LRRC7: variants seen among roughly 807,000 people sequenced by gnomAD.
LRRC7 encodes the protein leucine-rich repeat-containing protein 7.
LRRC7 carries 23 observed loss-of-function variants against 175.7 expected under a neutral mutation model. The observed-to-expected ratio is 0.13, with a 90% CI of 0.09 to 0.19. The LOEUF (loss-of-function observed/expected upper bound fraction) is 0.19. LRRC7 is among the 10% of genes least tolerant of loss of function. The pLI is 1.00. For synonymous variants in LRRC7, 685 were observed against 680.9 expected, an observed-to-expected ratio of 1.01 and a Z score of -0.09; for missense variants, 1,354 against 1,904.7, an observed-to-expected ratio of 0.71 and a Z score of 5.38.
In LRRC7 at chr1:70,124,837, A is replaced by G. The variant is rs375987243; in HGVS notation, c.*2950A>G. ...CAGTAGATTCTACCTCTTGGTCTTTAATTTTTATTGGACTGTTTCTGAGGA... is the reference window on the plus strand; with the variant it reads ...CAGTAGATTCTACCTCTTGGTCTTTGATTTTTATTGGACTGTTTCTGAGGA... On this transcript the variant is annotated 3_prime_UTR_variant, in exon 27 of 27. Transcript: ENST00000651989. Among the ~76,000 whole-genome samples, 400 of 152,254 alleles carry G rather than the reference A, an allele frequency of 2.6e-3. 1 individual carries two copies. The highest frequency in any genetic ancestry group is 9.4e-3 in the African/African-American group (389 of 41,562).
At chr1:70,009,817 A>G (rs1656336722) in intron 11 of LRRC7, among the ~76,000 whole-genome samples, 2 of 152,342 alleles carry the variant, frequency 1.3e-5, no homozygotes, top group South Asian at 4.1e-4. Flanking sequence ...TAAGGTGATG[A>G]AGTTTGAATG....
chr1:69,706,002 G>T (rs1222333314), intron 2 of LRRC7, among the ~76,000 whole-genome samples: 2 of 152,080 alleles, frequency 1.3e-5, no homozygotes, highest in African/African-American at 4.8e-5. Context: ...ATATGAATTT[G>T]TAACCTAGCA....
chr1:69,905,723 T>C (rs1326518795), intron 7 of LRRC7, among the ~76,000 whole-genome samples: 1 of 152,224 alleles, frequency 6.6e-6, no homozygotes, highest in African/African-American at 2.4e-5. Context: ...AACATACATG[T>C]GCATGTGTCT....
At chr1:69,719,641 C>T (rs532522275) in intron 2 of LRRC7, among the ~76,000 whole-genome samples, 119 of 151,716 alleles carry the variant, frequency 7.8e-4, no homozygotes, top group African/African-American at 2.8e-3. Flanking sequence ...AGAAAGATTA[C>T]TCTTAAATCT....
At chr1:70,094,650 A>G (rs1664261582) in intron 25 of LRRC7, among the ~76,000 whole-genome samples, 1 of 152,154 alleles carries the variant, frequency 6.6e-6, no homozygotes, top group Non-Finnish European at 1.5e-5. Flanking sequence ...TATTACATCA[A>G]ATAAAAGTTT....
intron 7 of LRRC7, among the ~76,000 whole-genome samples, chr1:69,916,883 G>T (rs1646735427): frequency 2.6e-5 from 4 of 151,976 alleles, no homozygotes; most frequent in East Asian, 1.9e-4. Flanking sequence ...ATAAAATAGG[G>T]TAATATATAA....
intron 7 of LRRC7, among the ~76,000 whole-genome samples, chr1:69,925,715 G>T (rs181423208): frequency 1.3e-5 from 2 of 151,976 alleles, no homozygotes; most frequent in East Asian, 3.9e-4. Context: ...TCTTGCTAGC[G>T]GTCTATCAAT....
At chr1:69,807,692 G>A (rs943097279) in intron 4 of LRRC7, among the ~76,000 whole-genome samples, 1 of 152,036 alleles carries the variant, frequency 6.6e-6, no homozygotes, top group African/African-American at 2.4e-5. Flanking sequence ...GCTTCCCTTT[G>A]TGGGTAACCC....
chr1:69,722,986 G>A (rs1444992727), intron 2 of LRRC7, among the ~76,000 whole-genome samples: 1 of 151,630 alleles, frequency 6.6e-6, no homozygotes, highest in African/African-American at 2.4e-5. Context: ...TTAGTTTTTT[G>A]CCATTTTTAT....
At chr1:69,838,202 A>G (rs773160289) in intron 6 of LRRC7, 25 bp from the exon 7 acceptor site, 1 of 1,587,164 alleles carries the variant, frequency 6.3e-7, no homozygotes, top group Non-Finnish European at 8.6e-7. Context: ...TACTAAGAGG[A>G]AATTTTTAAA....
intron 23 of LRRC7, among the ~76,000 whole-genome samples, chr1:70,072,965 C>T (rs1662502044): frequency 6.6e-6 from 1 of 152,062 alleles, no homozygotes; most frequent in South Asian, 2.1e-4. Context: ...GAAAGGGTGG[C>T]AGTATAATAT....
At position 69,610,506 on chromosome 1, in the gene LRRC7, T is replaced by C. The variant is rs143072752; in HGVS notation, c.2+41865T>C. 4.2e-3 allele frequency among the ~76,000 whole-genome samples: 633 copies of C among 152,146 alleles called. 3 individuals carry two copies. Among genetic ancestry groups the C allele is most frequent in the Admixed American group, 6.2e-3 (94 of 15,246 alleles). On this transcript the variant is annotated intron_variant, in intron 1 of 26. Transcript: ENST00000651989. ...ATGACTTCTTGTTGTTTTCTATGTC[T>C]ATGATTACTAGTAATTTGATTTTTT...
intron 1 of LRRC7, among the ~76,000 whole-genome samples, chr1:69,575,275 C>CTT (rs1405990087): frequency 2.0e-5 from 3 of 152,140 alleles, no homozygotes; most frequent in Non-Finnish European, 2.9e-5. Flanking sequence ...ACTGGGGTCT[C>CTT]TTACACCCGA....
At chr1:69,580,318 G>A (rs558606302) in intron 1 of LRRC7, among the ~76,000 whole-genome samples, 2 of 151,950 alleles carry the variant, frequency 1.3e-5, no homozygotes, top group Non-Finnish European at 2.9e-5. Context: ...TACATTTTAT[G>A]ACTGGTTAAA....
chr1:69,839,411 T>C (rs1033798659), intron 7 of LRRC7, among the ~76,000 whole-genome samples: 1 of 152,136 alleles, frequency 6.6e-6, no homozygotes, highest in Non-Finnish European at 1.5e-5. Flanking sequence ...CCTGCACTTT[T>C]GAATTATGCC....
At chr1:69,633,986 C>T (rs947109408) in intron 1 of LRRC7, among the ~76,000 whole-genome samples, 11 of 151,752 alleles carry the variant, frequency 7.2e-5, no homozygotes, top group African/African-American at 2.7e-4. Context: ...TATAGTTGTA[C>T]TTTGTTTTCT....
chr1:70,089,335 G>A (rs1663850565), intron 24 of LRRC7, among the ~76,000 whole-genome samples: 1 of 152,020 alleles, frequency 6.6e-6, no homozygotes, highest in Non-Finnish European at 1.5e-5. Context: ...TTAAAGTTTT[G>A]TTTCACTTAT....
chr1:69,576,122 C>T (rs1645937934), intron 1 of LRRC7, among the ~76,000 whole-genome samples: 1 of 149,698 alleles, frequency 6.7e-6, no homozygotes, highest in African/African-American at 2.5e-5. Context: ...GTCCCACCTA[C>T]TCAGGAGGCT....
At chr1:69,769,718 G>T (rs1356334881) in intron 3 of LRRC7, among the ~76,000 whole-genome samples, 1 of 152,120 alleles carries the variant, frequency 6.6e-6, no homozygotes, top group Non-Finnish European at 1.5e-5. Flanking sequence ...TGAGTTAAGA[G>T]AAATGGCTTA....
Sources: allele counts gnomAD v4.1 joint callset (sites outside exome capture counted in the v4.1 genomes callset), GRCh38; gene constraint gnomAD v4.1.1; transcripts MANE v1.5; gene names NCBI Gene and HGNC (gene_info 2026-07-23, HGNC 2026-07-21).